PDE3A: variants seen among roughly 807,000 people sequenced by gnomAD.
PDE3A encodes phosphodiesterase 3A.
A neutral mutation model predicts 98.3 loss-of-function variants in PDE3A; 43 were observed. The ratio of observed to expected loss-of-function variants is 0.44; its 90% CI spans 0.34 to 0.56. The LOEUF (loss-of-function observed/expected upper bound fraction) is 0.56, where lower values mean the gene tolerates loss of function less well. Among genes scored for constraint, PDE3A ranks in the 20% least tolerant of loss-of-function variants. The pLI is 0.01. For missense variants in PDE3A, 1,427 were observed against 1,440.7 expected (o/e 0.99, Z 0.15); for synonymous variants, 663 against 567.9 (o/e 1.17, Z -2.38).
At position 20,648,933 on chromosome 12, in the gene PDE3A, T is replaced by TTTC. The variant is rs759659017; in HGVS notation, c.2769+44_2769+45insCTT. 17 of 1,290,764 alleles carry TTTC rather than the reference T, an allele frequency of 1.3e-5. 1 individual carries two copies. The African/African-American group carries it at 2.3e-4, about 18-fold the overall frequency. 80.0% of individuals were successfully genotyped at this position (1,290,764 alleles called of 1,614,324 possible). A position where few individuals can be genotyped will look rare whatever the true frequency, so the allele number is the denominator to read the frequency against. ...CCAGTTTTCTTTTCTTTTTCTTTTTTTTTTTTTTTTGAGACAGAGTCTTGC... is the reference window on the plus strand; with the variant it reads ...CCAGTTTTCTTTTCTTTTTCTTTTTTTTCTTTTTTTTTTGAGACAGAGTCTTGC... On this transcript the variant is annotated intron_variant, in intron 13 of 15. Transcript: ENST00000359062.
intron 1 of PDE3A, among the ~76,000 whole-genome samples, chr12:20,389,667 G>A (rs569074574): frequency 6.6e-6 from 1 of 152,038 alleles, no homozygotes; most frequent in Non-Finnish European, 1.5e-5. Context: ...CACCCTCCCT[G>A]AGTAAAGATA....
At chr12:20,576,561 G>A (rs1357589212) in intron 2 of PDE3A, among the ~76,000 whole-genome samples, 2 of 151,968 alleles carry the variant, frequency 1.3e-5, no homozygotes, top group Non-Finnish European at 2.9e-5. Context: ...GAATTGCCTT[G>A]GTCTTACATG....
At position 20,683,513 on chromosome 12, in the gene PDE3A, C is replaced by G. The variant is rs967112886; in HGVS notation, c.*3242C>G. ...AATAAAGTAAGAGACCAGGTGTATT[C>G]TGAGTGTCATCAGTGTTATTTTCAG... is the stretch of plus-strand genomic sequence containing the variant. On this transcript the variant is annotated 3_prime_UTR_variant, in exon 16 of 16. Transcript: ENST00000359062. 1 of 152,142 alleles carries G rather than the reference C, an allele frequency of 6.6e-6. No homozygotes were observed. The highest frequency in any genetic ancestry group is 1.9e-4 in the East Asian group (1 of 5,198). The allele number at this position is 152,142 out of a possible 1,614,324, so 9.4% of individuals were successfully genotyped here.
intron 1 of PDE3A, 108 bp downstream of exon 1, chr12:20,370,352 G>A (rs974507528): frequency 2.4e-6 from 2 of 843,704 alleles, no homozygotes; most frequent in East Asian, 6.2e-5. Context: ...AGATAGCCTA[G>A]AAAACTGGTC....
At chr12:20,636,497 G>C (rs868668675) in intron 8 of PDE3A, among the ~76,000 whole-genome samples, 1 of 151,924 alleles carries the variant, frequency 6.6e-6, no homozygotes, top group Non-Finnish European at 1.5e-5. Context: ...TTACTTTTAC[G>C]TAGTACATGT....
intron 15 of PDE3A, among the ~76,000 whole-genome samples, chr12:20,677,746 TA>T (rs1945678847): frequency 2.6e-5 from 4 of 152,158 alleles, no homozygotes; most frequent in Admixed American, 2.6e-4. Flanking sequence ...GCCGATTTAT[TA>T]AATTATCTTT....
rs943944153 is a variant in PDE3A at position 20,686,574 on chromosome 12, G to A, written c.*6303G>A. 2.6e-5 allele frequency among the ~76,000 whole-genome samples: 4 copies of A among 152,092 alleles called. No homozygotes were observed. Among genetic ancestry groups the A allele is most frequent in the African/African-American group, 9.7e-5 (4 of 41,432 alleles). On this transcript the variant is annotated 3_prime_UTR_variant, in exon 16 of 16. Coordinates refer to ENST00000359062, the MANE Select transcript of PDE3A (RefSeq NM_000921.5). ...AGCCTTAATGGTTTAATATTTCCGT[G>A]TCATTGAAAGTTCCTATTTCAAATT...
intron 1 of PDE3A, among the ~76,000 whole-genome samples, chr12:20,401,742 A>G (rs564841461): frequency 1.0e-3 from 158 of 152,184 alleles, no homozygotes; most frequent in African/African-American, 3.6e-3. Flanking sequence ...CGGCACTTAC[A>G]TTCTCCGTCT....
rs115340372 is a variant in PDE3A at position 20,505,567 on chromosome 12, C to G, written c.961-51093C>G. ...TCTTTGCACATTACTGAAAAGAACT[C>G]AGTGTTTAATAAAATCATACCTAGC... On this transcript the variant is annotated intron_variant, in intron 1 of 15. Coordinates refer to ENST00000359062, the MANE Select transcript of PDE3A (RefSeq NM_000921.5). Among the ~76,000 whole-genome samples, 570 of 152,120 alleles carry G rather than the reference C, an allele frequency of 3.7e-3. 2 individuals carry two copies. Among genetic ancestry groups the G allele is most frequent in the African/African-American group, 0.013 (533 of 41,524 alleles).
At chr12:20,505,698 C>T (rs923171191) in intron 1 of PDE3A, among the ~76,000 whole-genome samples, 6 of 152,060 alleles carry the variant, frequency 3.9e-5, no homozygotes, top group South Asian at 2.1e-4. Flanking sequence ...GATGGTCTCA[C>T]TATTCTTTCC....
At chr12:20,574,878 T>C (rs1438685652) in intron 2 of PDE3A, among the ~76,000 whole-genome samples, 1 of 152,030 alleles carries the variant, frequency 6.6e-6, no homozygotes, top group Non-Finnish European at 1.5e-5. Context: ...TTATACTGCC[T>C]CATAATCTAT....
At chr12:20,459,368 C>A (rs1945208589) in intron 1 of PDE3A, among the ~76,000 whole-genome samples, 1 of 152,056 alleles carries the variant, frequency 6.6e-6, no homozygotes, top group African/African-American at 2.4e-5. Flanking sequence ...CCTACTATAC[C>A]TTGTTACAAA....
At chr12:20,517,855 G>T (rs1001087974) in intron 1 of PDE3A, among the ~76,000 whole-genome samples, 1 of 152,106 alleles carries the variant, frequency 6.6e-6, no homozygotes, top group South Asian at 2.1e-4. Context: ...CACATTCCTA[G>T]GTCCCAACCT....
chr12:20,537,000 T>C (rs953341422), intron 1 of PDE3A, among the ~76,000 whole-genome samples: 2 of 152,044 alleles, frequency 1.3e-5, no homozygotes, highest in Non-Finnish European at 2.9e-5. Flanking sequence ...ACTTTGCATT[T>C]CCACTAGCAA....
intron 1 of PDE3A, among the ~76,000 whole-genome samples, chr12:20,374,570 G>T (rs1051985824): frequency 6.6e-6 from 1 of 151,930 alleles, no homozygotes; most frequent in African/African-American, 2.4e-5. Context: ...AGTGACATTT[G>T]TGTGAATTTG....
chr12:20,642,120 G>A (rs1944658689), intron 10 of PDE3A, among the ~76,000 whole-genome samples: 3 of 152,022 alleles, frequency 2.0e-5, no homozygotes, highest in Non-Finnish European at 2.9e-5. Flanking sequence ...TTGAAAAGAA[G>A]CATAAGAGGA....
chr12:20,468,110 A>C (rs972026454), intron 1 of PDE3A, among the ~76,000 whole-genome samples: 1 of 152,080 alleles, frequency 6.6e-6, no homozygotes, highest in Non-Finnish European at 1.5e-5. Flanking sequence ...TTAGGTTTTA[A>C]AATAGCAACA....
intron 1 of PDE3A, among the ~76,000 whole-genome samples, chr12:20,435,203 G>C (rs1217786585): frequency 6.6e-6 from 1 of 152,138 alleles, no homozygotes; most frequent in Non-Finnish European, 1.5e-5. Context: ...CCTTGTTACT[G>C]TAGAGTCAAC....
intron 2 of PDE3A, among the ~76,000 whole-genome samples, chr12:20,605,693 T>TAAG (rs1317318385): frequency 6.6e-6 from 1 of 152,156 alleles, no homozygotes; most frequent in Non-Finnish European, 1.5e-5. Flanking sequence ...TCATAAAACT[T>TAAG]AAGATATTTT....
Sources: allele counts gnomAD v4.1 joint callset (sites outside exome capture counted in the v4.1 genomes callset), GRCh38; gene constraint gnomAD v4.1.1; transcripts MANE v1.5; gene names NCBI Gene and HGNC (gene_info 2026-07-23, HGNC 2026-07-21).